RANBP6: variants seen among roughly 807,000 people sequenced by gnomAD.
RANBP6 encodes RAN binding protein 6.
Under a neutral mutation model 35.3 loss-of-function variants are expected in RANBP6, and 10 were observed. The ratio of observed to expected loss-of-function variants is 0.28; its 90% CI spans 0.17 to 0.48. RANBP6 has a LOEUF of 0.48. Ranked by LOEUF, RANBP6 falls within the 20% of genes least tolerant of loss-of-function variation. The pLI is 0.99. For missense variants in RANBP6, 1,392 were observed against 1,307.7 expected (o/e 1.06, Z -0.99); for synonymous variants, 514 against 464.2 (o/e 1.11, Z -1.38).
rs1200721985 is a variant in RANBP6 at position 6,012,071 on chromosome 9, A to C, written c.*219T>G. 1.5e-5 allele frequency: 6 copies of C among 411,006 alleles called. No individual in the cohort carries two copies. The East Asian group carries it at 1.9e-4, about 13-fold the overall frequency. 25.5% of individuals were successfully genotyped at this position (411,006 alleles called of 1,614,324 possible). ...AAAGGTGACAAACATTGTTTAAGAC[A>C]GTTTGAAGCACAGGTTATCACCAAG... On this transcript the variant is annotated 3_prime_UTR_variant, in exon 1 of 1. Coordinates refer to ENST00000259569, the MANE Select transcript of RANBP6 (RefSeq NM_012416.4).
In RANBP6 at chr9:6,012,689, AT is replaced by A. The variant is rs746880803; in HGVS notation, c.2918del (p.Asn973MetfsTer12). ...AGATACAGTTCTCTGTAGCAATGAC[AT>A]TTTTTTTGGTTTTGGAATTTGCACA... ...IKCANSKTKK[N>X]VIATENCISA... On this transcript the variant is annotated frameshift_variant, in exon 1 of 1. Transcript: ENST00000259569. LOFTEE classifies it high-confidence loss of function. 7.4e-6 allele frequency: 12 copies of A among 1,612,464 alleles called. No homozygotes were observed. The highest frequency in any genetic ancestry group is 1.1e-5 in the South Asian group (1 of 90,820).
In RANBP6 at chr9:6,013,751, C is replaced by T. The variant is rs750755129; in HGVS notation, c.1857G>A (p.Met619Ile). The change falls in exon 1 of 1, where the codon ATG becomes ATA. Residue 619 changes from methionine (M) to isoleucine (I), a missense_variant. By Grantham distance (10) the Met-to-Ile change is conservative (BLOSUM62 1). Transcript: ENST00000259569. ...TSYMVSAWAR[M>I]CKILGKDFQQ... ...GAAAATCTTTTCCAAGAATTTTACA[C>T]ATTCTAGCCCATGCTGAAACCATGT... 1 of 1,613,864 alleles carries T rather than the reference C, an allele frequency of 6.2e-7. No individual in the cohort carries two copies. Among genetic ancestry groups the T allele is most frequent in the Non-Finnish European group, 8.5e-7 (1 of 1,180,034 alleles).
In RANBP6 at chr9:6,013,331, G is replaced by T. The variant is rs1422513008; in HGVS notation, c.2277C>A (p.Asp759Glu). ...CAGTACCAATAGCCTTGATTAAGGG[G>T]TCACATATGAATTGCCACATCTGTG... ...YLAQMWQFICDPLIKAIGTEP... is the reference protein window; with the variant it reads ...YLAQMWQFICEPLIKAIGTEP... Residue 759 changes from aspartate (D) to glutamate (E), a missense_variant, in exon 1 of 1, where the codon GAC (aspartate) becomes GAA (glutamate). By Grantham distance (45) the Asp-to-Glu change is conservative. Transcript: ENST00000259569. 2 of 1,614,106 alleles carry T rather than the reference G, an allele frequency of 1.2e-6. No homozygotes were observed. Among genetic ancestry groups the T allele is most frequent in the East Asian group, 2.2e-5 (1 of 44,888 alleles).
In RANBP6 at chr9:6,015,580, G is replaced by A. The variant is rs762719423; in HGVS notation, c.28C>T (p.Pro10Ser). 1.9e-6 allele frequency: 3 copies of A among 1,601,682 alleles called. No homozygotes were observed. Among genetic ancestry groups the A allele is most frequent in the South Asian group, 1.1e-5 (1 of 90,792 alleles). The stretch of plus-strand genomic sequence containing the variant: ...TCTTGCTTTTCTGACACGGTCGCCG[G>A]CACCCCTGCAGACGCGGTTGCCGCC... MAATASAGVPATVSEKQEFY... is the reference protein window; with the variant it reads MAATASAGVSATVSEKQEFY... Residue 10 changes from proline (P) to serine (S), a missense_variant, in exon 1 of 1, where the codon CCG becomes TCG. Pro to Ser is a moderately conservative substitution (Grantham distance 74). Transcript: ENST00000259569.
At position 6,013,850 on chromosome 9, in the gene RANBP6, T is replaced by G; in HGVS notation, c.1758A>C (p.Ser586=). The part of the protein sequence containing the change: ...VGKEKFMQDA[S]NVMQLLLKTQ... Reference sequence around the variant, plus strand: ...TCTTCAACAACAGCTGCATCACATTTGATGCATCTTGCATAAATTTTTCCT... The same window carrying G: ...TCTTCAACAACAGCTGCATCACATTGGATGCATCTTGCATAAATTTTTCCT... The change falls in exon 1 of 1, where the codon TCA becomes TCC. Residue 586 remains serine (S), a synonymous_variant. Coordinates refer to ENST00000259569, the MANE Select transcript of RANBP6 (RefSeq NM_012416.4). The G allele has an allele frequency of 6.2e-7, 1 of 1,614,018 alleles. No homozygotes were observed. Among genetic ancestry groups the G allele is most frequent in the Non-Finnish European group, 8.5e-7 (1 of 1,179,982 alleles).
rs374892073 is a variant in RANBP6, at chr9:6,015,544, G to A, written c.64C>T (p.Leu22Phe). 2 of 1,611,414 alleles carry A rather than the reference G, an allele frequency of 1.2e-6. No homozygotes were observed. The highest frequency in any genetic ancestry group is 1.1e-5 in the South Asian group (1 of 91,044). The change falls in exon 1 of 1, where the codon CTT (leucine) becomes TTT (phenylalanine). Residue 22 changes from leucine to phenylalanine, a missense_variant. By Grantham distance (22) the Leu-to-Phe change is conservative. Transcript: ENST00000259569. ...CTTGGATTGATCAGGTTCTTCAGAA[G>A]CTGGTAAAACTCTTGCTTTTCTGAC... The part of the protein sequence containing the change: ...TVSEKQEFYQ[L>F]LKNLINPSCM...
chr9:6,011,688 T>C lies in RANBP6; in HGVS notation c.*602A>G, dbSNP rs1842473890. Reference sequence around the variant, plus strand: ...TAAAGAAATTTAAAAGTTCTCTAACTCTCAACCAGACACCTTGGGAACTAC... The same window carrying C: ...TAAAGAAATTTAAAAGTTCTCTAACCCTCAACCAGACACCTTGGGAACTAC... On this transcript the variant is annotated 3_prime_UTR_variant, in exon 1 of 1. Coordinates refer to ENST00000259569, the MANE Select transcript of RANBP6 (RefSeq NM_012416.4). 1 of 152,208 alleles carries C rather than the reference T, an allele frequency of 6.6e-6. No individual in the cohort carries two copies. Among genetic ancestry groups the C allele is most frequent in the Admixed American group, 6.5e-5 (1 of 15,282 alleles). The allele number at this position is 152,208 out of a possible 1,614,324, so 9.4% of individuals were successfully genotyped here.
In RANBP6 at chr9:6,014,685, A is replaced by G. The variant is rs773376322; in HGVS notation, c.923T>C (p.Ile308Thr). ...ATPMLKKHTN[I>T]IAQAVPHILA... is the part of the protein sequence containing the mutation. ...TATATGAGGAACTGCCTGTGCAATA[A>G]TATTTGTATGTTTTTTCAACATCGG... Residue 308 changes from isoleucine (I) to threonine (T), a missense_variant, in exon 1 of 1, where the codon ATT becomes ACT. By Grantham distance (89) the Ile-to-Thr change is moderately conservative (BLOSUM62 -1). Transcript: ENST00000259569. 209 of 1,614,062 alleles carry G rather than the reference A, an allele frequency of 1.3e-4. No homozygotes were observed. The highest frequency in any genetic ancestry group is 1.7e-4 in the Non-Finnish European group (203 of 1,180,054).
At position 6,013,149 on chromosome 9, in the gene RANBP6, T is replaced by A; in HGVS notation, c.2459A>T (p.Gln820Leu). The A allele has an allele frequency of 6.2e-7, 1 of 1,614,050 alleles. No homozygotes were observed. The highest frequency in any genetic ancestry group is 2.2e-5 in the East Asian group (1 of 44,884). Residue 820 changes from glutamine to leucine, a missense_variant, in exon 1 of 1, where the codon CAG becomes CTG. Transcript: ENST00000259569. ...EGHFKNQELRQVKRQEENYDQ... is the reference protein window; with the variant it reads ...EGHFKNQELRLVKRQEENYDQ... ...ATAGTTTTCTTCCTGTCTTTTCACCTGTCTCAATTCTTGGTTTTTAAAGTG... is the reference window on the plus strand; with the variant it reads ...ATAGTTTTCTTCCTGTCTTTTCACCAGTCTCAATTCTTGGTTTTTAAAGTG...
rs1259208723 is a variant in RANBP6, at chr9:6,014,636, T to C, written c.972A>G (p.Gln324=). The change falls in exon 1 of 1, where the codon CAA becomes CAG. Residue 324 remains glutamine (Q), a synonymous_variant. Coordinates refer to ENST00000259569, the MANE Select transcript of RANBP6 (RefSeq NM_012416.4). ...CAGCATTTACCCAGTCCTCATCATCTTGTAGATCAACCATCATTGCTAATA... is the reference window on the plus strand; with the variant it reads ...CAGCATTTACCCAGTCCTCATCATCCTGTAGATCAACCATCATTGCTAATA... ...PHILAMMVDL[Q]DDEDWVNADE... 3.7e-6 allele frequency: 6 copies of C among 1,614,078 alleles called. No individual in the cohort carries two copies. In the Admixed American group the frequency reaches 1.0e-4, roughly 27 times the overall value.
rs1842520960 is a variant in RANBP6, at chr9:6,013,741, GA to G, written c.1866del (p.Gly624GlufsTer28). The stretch of plus-strand genomic sequence containing the variant: ...AGGTACTGTTGAAAATCTTTTCCAA[GA>G]ATTTTACACATTCTAGCCCATGCTG... ...MVSAWARMCK[I>X]LGKDFQQYLP... On this transcript the variant is annotated frameshift_variant, in exon 1 of 1. Transcript: ENST00000259569. LOFTEE classifies it low-confidence loss of function (END_TRUNC). The G allele has an allele frequency of 6.2e-7, 1 of 1,613,782 alleles. No homozygotes were observed. Among genetic ancestry groups the G allele is most frequent in the Non-Finnish European group, 8.5e-7 (1 of 1,180,018 alleles).
rs192600939 is a variant in RANBP6 at position 6,013,914 on chromosome 9, G to C, written c.1694C>G (p.Thr565Ser). 1.2e-6 allele frequency: 2 copies of C among 1,614,016 alleles called. No individual in the cohort carries two copies. Among genetic ancestry groups the C allele is most frequent in the African/African-American group, 1.3e-5 (1 of 75,054 alleles). Residue 565 changes from threonine (T) to serine (S), a missense_variant, in exon 1 of 1, where the codon ACT becomes AGT. Physicochemically the swap from Thr to Ser is moderately conservative, Grantham distance 58 (BLOSUM62 1). Coordinates refer to ENST00000259569, the MANE Select transcript of RANBP6 (RefSeq NM_012416.4). ...QKELKLLRGK[T>S]IECISHIGLA... is the part of the protein sequence containing the mutation. Reference sequence around the variant, plus strand: ...ACCAATATGGCTAATGCACTCGATAGTTTTTCCTCTCAGAAGCTTGAGTTC... The same window carrying C: ...ACCAATATGGCTAATGCACTCGATACTTTTTCCTCTCAGAAGCTTGAGTTC...
In RANBP6 at chr9:6,012,082, C is replaced by A; in HGVS notation, c.*208G>T. ...ACATTGTTTAAGACAGTTTGAAGCA[C>A]AGGTTATCACCAAGGTCTGTGTTTG... On this transcript the variant is annotated 3_prime_UTR_variant, in exon 1 of 1. Transcript: ENST00000259569. The A allele has an allele frequency of 2.3e-6, 1 of 426,212 alleles. No individual in the cohort carries two copies. Among genetic ancestry groups the A allele is most frequent in the Non-Finnish European group, 4.1e-6 (1 of 242,066 alleles). 26.4% of individuals were successfully genotyped at this position (426,212 alleles called of 1,614,324 possible).
chr9:6,012,382 C>A lies in RANBP6; in HGVS notation c.3226G>T (p.Val1076Leu). The change falls in exon 1 of 1, where the codon GTA becomes TTA. Residue 1076 changes from valine (V) to leucine (L), a missense_variant. Val to Leu is a conservative substitution (Grantham distance 32, BLOSUM62 1). Transcript: ENST00000259569. ...AACCATAAATCTTCAGAAGTCTGTA[C>A]CTGACGCACGACATTAGCTAGGCGT... Reference protein sequence around the residue: ...AKRLANVVRQVQTSEDLWLEC... With the variant: ...AKRLANVVRQLQTSEDLWLEC... The A allele has an allele frequency of 5.0e-6, 8 of 1,613,862 alleles. No individual in the cohort carries two copies. The highest frequency in any genetic ancestry group is 6.8e-6 in the Non-Finnish European group (8 of 1,179,928).
rs202193240 is a variant in RANBP6 at position 6,013,371 on chromosome 9, C to T, written c.2237G>A (p.Gly746Asp). The T allele has an allele frequency of 8.1e-6, 13 of 1,614,020 alleles. No individual in the cohort carries two copies. Among genetic ancestry groups the T allele is most frequent in the African/African-American group, 1.3e-5 (1 of 74,930 alleles). ...CCACATCTGTGCAAGATACTCTGGG[C>T]CACGAATTCTTGCACATTCCAGGAG... ...PFLLECARIRGPEYLAQMWQF... is the reference protein window; with the variant it reads ...PFLLECARIRDPEYLAQMWQF... The change falls in exon 1 of 1, where the codon GGC becomes GAC. Residue 746 changes from glycine (G) to aspartate (D), a missense_variant. Physicochemically the swap from Gly to Asp is moderately conservative, Grantham distance 94 (BLOSUM62 -1). Transcript: ENST00000259569.
Position 6,014,894 on chromosome 9 carries a change from G to T in RANBP6, c.714C>A (p.Tyr238Ter), listed in dbSNP as rs1245754480. The T allele has an allele frequency of 6.2e-7, 1 of 1,614,074 alleles. No homozygotes were observed. The change falls in exon 1 of 1, where the codon TAC becomes TAA. Residue 238 changes from tyrosine (Y) to a stop codon, truncating the protein, a stop_gained. Transcript: ENST00000259569. LOFTEE classifies it low-confidence loss of function (END_TRUNC). The stretch of plus-strand genomic sequence containing the variant: ...ATTCTAGCACTGAATCATCATCCTG[G>T]TAGCATGAGTCATTCACAGCCTGTA... ...GILQAVNDSC[Y>*]QDDDSVLESL... is the part of the protein sequence containing the mutation.
In RANBP6 at chr9:6,014,940, G is replaced by C; in HGVS notation, c.668C>G (p.Ala223Gly). 6.2e-7 allele frequency: 1 copy of C among 1,614,174 alleles called. No individual in the cohort carries two copies. The highest frequency in any genetic ancestry group is 1.1e-5 in the South Asian group (1 of 91,078). Residue 223 changes from alanine (A) to glycine (G), a missense_variant, in exon 1 of 1, where the codon GCA becomes GGA. By Grantham distance (60) the Ala-to-Gly change is moderately conservative. Coordinates refer to ENST00000259569, the MANE Select transcript of RANBP6 (RefSeq NM_012416.4). ...ENNIALFKDFADLLPGILQAV... is the reference protein window; with the variant it reads ...ENNIALFKDFGDLLPGILQAV... ...CTGTAAGATTCCAGGAAGCAAGTCT[G>C]CAAAGTCTTTGAAAAGAGCAATATT...
Position 6,012,929 on chromosome 9 carries a change from C to T in RANBP6, c.2679G>A (p.Leu893=). ...GCTCTATGATGTCATCAAATATGCA[C>T]AATCCCCACTGTCTGTCTGGCCATG... ...SRPWPDRQWG[L]CIFDDIIEHC... Residue 893 remains leucine, a synonymous_variant, in exon 1 of 1, where the codon TTG becomes TTA. Coordinates refer to ENST00000259569, the MANE Select transcript of RANBP6 (RefSeq NM_012416.4). The T allele has an allele frequency of 1.2e-6, 2 of 1,614,090 alleles. No individual in the cohort carries two copies. Among genetic ancestry groups the T allele is most frequent in the Non-Finnish European group, 1.7e-6 (2 of 1,180,016 alleles).
chr9:6,013,476 A>G lies in RANBP6; in HGVS notation c.2132T>C (p.Val711Ala), dbSNP rs1472148807. The G allele has an allele frequency of 1.2e-6, 2 of 1,614,212 alleles. No homozygotes were observed. Among genetic ancestry groups the G allele is most frequent in the South Asian group, 2.2e-5 (2 of 91,088 alleles). Residue 711 changes from valine (V) to alanine (A), a missense_variant, in exon 1 of 1, where the codon GTT becomes GCT. By Grantham distance (64) the Val-to-Ala change is moderately conservative. Transcript: ENST00000259569. The part of the protein sequence containing the change: ...REGFVEYTEQ[V>A]VKLMVPLLKF... ...CAGTAAAGGAACCATCAGCTTCACA[A>G]CTTGTTCTGTATATTCCACAAACCC... is the stretch of plus-strand genomic sequence containing the variant.
Sources: allele counts gnomAD v4.1 joint callset, GRCh38; gene constraint gnomAD v4.1.1; transcripts MANE v1.5; gene names NCBI Gene and HGNC (gene_info 2026-07-23, HGNC 2026-07-21).